CDKL4: variants seen among roughly 807,000 people sequenced by gnomAD.
CDKL4 encodes cyclin-dependent kinase-like 4.
In CDKL4, 44 loss-of-function variants were observed where a neutral mutation model predicts 42.0. The observed-to-expected ratio is 1.05, with a 90% CI of 0.82 to 1.35. CDKL4 has a LOEUF of 1.35. Among genes scored for constraint, CDKL4 ranks in the 40% most tolerant of loss-of-function variants. The probability of loss-of-function intolerance (pLI) is 0.00; values close to 1 mark genes in which losing one functional copy is unlikely to be tolerated. For synonymous variants in CDKL4, 120 were observed against 121.6 expected (o/e 0.99, Z 0.09); for missense variants, 393 against 369.9 (o/e 1.06, Z -0.51).
At chr2:39,226,087 A>G in intron 2 of CDKL4, 127 bp from the exon 3 acceptor site, 1 of 881,406 alleles carries the variant, frequency 1.1e-6, no homozygotes, top group Non-Finnish European at 1.6e-6. Context: ...AATAAGTGGT[A>G]ACAAAATTGC....
chr2:39,208,077 G>A (rs979331619), intron 4 of CDKL4, among the ~76,000 whole-genome samples: 3 of 151,972 alleles, frequency 2.0e-5, no homozygotes, highest in African/African-American at 7.3e-5. Flanking sequence ...ACCCCAGCCT[G>A]GGCGACAGAG....
intron 6 of CDKL4, among the ~76,000 whole-genome samples, chr2:39,188,291 G>A (rs756842333): frequency 1.3e-5 from 2 of 151,926 alleles, no homozygotes; most frequent in Non-Finnish European, 2.9e-5. Context: ...GGCTGGGTGC[G>A]GTGGCTCACG....
chr2:39,246,820 T>C (rs1679934335), upstream of CDKL4, among the ~76,000 whole-genome samples: 1 of 152,208 alleles, frequency 6.6e-6, no homozygotes, highest in Non-Finnish European at 1.5e-5. Context: ...CATAGCTCAT[T>C]GCAGCCTCAA....
chr2:39,217,733 T>G (rs985910519), intron 3 of CDKL4, among the ~76,000 whole-genome samples: 5 of 145,038 alleles, frequency 3.4e-5, no homozygotes, highest in Admixed American at 2.0e-4. Flanking sequence ...TATTTATTTA[T>G]TTATTTATTT....
chr2:39,219,453 C>T (rs1678169582), intron 3 of CDKL4, among the ~76,000 whole-genome samples: 1 of 151,828 alleles, frequency 6.6e-6, no homozygotes, highest in Non-Finnish European at 1.5e-5. Context: ...CAGAGTCTCG[C>T]TCTGTCACTC....
intron 5 of CDKL4, among the ~76,000 whole-genome samples, chr2:39,192,972 A>C (rs1262100413): frequency 6.6e-6 from 1 of 151,778 alleles, no homozygotes; most frequent in African/African-American, 2.4e-5. Context: ...CAAAAAAAAT[A>C]AAAAAATCAG....
chr2:39,201,557 T>A (rs536384580), intron 5 of CDKL4, among the ~76,000 whole-genome samples: 1 of 152,000 alleles, frequency 6.6e-6, no homozygotes, highest in Admixed American at 6.6e-5. Flanking sequence ...TGAAAAAATA[T>A]GGAACCAGCC....
At chr2:39,171,135 A>T (rs182439729), downstream of CDKL4, among the ~76,000 whole-genome samples, 8 of 151,776 alleles carry the variant, frequency 5.3e-5, no homozygotes, top group Non-Finnish European at 1.0e-4. Context: ...GCTATTCGGG[A>T]GGCTGAGGCA....
At chr2:39,183,031 C>G (rs997519072) in intron 8 of CDKL4, among the ~76,000 whole-genome samples, 4 of 152,196 alleles carry the variant, frequency 2.6e-5, no homozygotes, top group Non-Finnish European at 4.4e-5. Flanking sequence ...CCTGTAATCT[C>G]AGCACTTTGG....
intron 5 of CDKL4, among the ~76,000 whole-genome samples, chr2:39,196,048 T>C (rs4350721): frequency 0.8 from 121,813 of 152,126 alleles, 51,229 homozygotes; most frequent in Non-Finnish European, 0.94. Context: ...CAAGGAGCTC[T>C]GAAGACAAAA....
At chr2:39,203,100 A>T (rs1042238174) in intron 5 of CDKL4, among the ~76,000 whole-genome samples, 13 of 152,218 alleles carry the variant, frequency 8.5e-5, no homozygotes, top group African/African-American at 3.1e-4. Context: ...CATTGAACTC[A>T]GTTCTAAGGT....
chr2:39,209,150 AT>A (rs372064138), intron 4 of CDKL4, among the ~76,000 whole-genome samples: 1,990 of 73,036 alleles, frequency 0.027, 31 homozygotes, highest in Middle Eastern at 0.09. Flanking sequence ...AAAAAAAAAA[AT>A]TTTTTTTTTA....
exon 10 of CDKL4, chr2:39,175,791 A>G (rs1394996405): frequency 6.7e-6 from 2 of 299,022 alleles, no homozygotes; most frequent in African/African-American, 4.4e-5. Context: ...TTTAGGCTTT[A>G]TAACATTTAA....
Position 39,225,902 on chromosome 2 carries a change from A to ATT in CDKL4, c.225_226dup (p.Met76LysfsTer4). Reference sequence around the variant, plus strand: ...ATCACAGTATTCAAAAACTAAATGCATTTTCCTTTTTCTCCTGAACACCTC... The same window carrying ATT: ...ATCACAGTATTCAAAAACTAAATGCATTTTTTCCTTTTTCTCCTGAACACCTC... On this transcript the variant is annotated frameshift_variant, in exon 3 of 10. Transcript: ENST00000451199. LOFTEE classifies it high-confidence loss of function. 6.2e-7 allele frequency: 1 copy of ATT among 1,611,712 alleles called. No homozygotes were observed. Among genetic ancestry groups the ATT allele is most frequent in the African/African-American group, 1.3e-5 (1 of 74,860 alleles).
intron 3 of CDKL4, among the ~76,000 whole-genome samples, chr2:39,222,329 C>T (rs565010328): frequency 1.8e-4 from 28 of 152,126 alleles, no homozygotes; most frequent in Non-Finnish European, 3.8e-4. Flanking sequence ...GGGACTCATG[C>T]CTGTAATCCT....
At chr2:39,221,797 T>A (rs1455271067) in intron 3 of CDKL4, among the ~76,000 whole-genome samples, 1 of 152,214 alleles carries the variant, frequency 6.6e-6, no homozygotes, top group African/African-American at 2.4e-5. Context: ...GGGGTGTCCA[T>A]CTGGCCAACT....
the CDKL4 span, among the ~76,000 whole-genome samples, chr2:39,170,410 G>A: frequency 3.9e-5 from 6 of 151,902 alleles, no homozygotes; most frequent in African/African-American, 1.5e-4. Context: ...CTGTATCTTT[G>A]TGATGAAGCT....
At chr2:39,191,341 C>T (rs572047688) in intron 5 of CDKL4, among the ~76,000 whole-genome samples, 1 of 152,192 alleles carries the variant, frequency 6.6e-6, no homozygotes, top group African/African-American at 2.4e-5. Flanking sequence ...CTGCAGTGAG[C>T]CGTGATCATG....
At chr2:39,225,531 T>C (rs12616683) in intron 3 of CDKL4, among the ~76,000 whole-genome samples, 1 of 152,240 alleles carries the variant, frequency 6.6e-6, no homozygotes, top group Non-Finnish European at 1.5e-5. Context: ...ATCTTATTAG[T>C]GAATTATATG....
Sources: gnomAD v4.1 joint callset for allele counts (sites outside exome capture counted in the v4.1 genomes callset) on GRCh38, gnomAD v4.1.1 for gene constraint, MANE v1.5 for transcripts, NCBI Gene and HGNC (gene_info 2026-07-23, HGNC 2026-07-21) for gene names.